The following CNGA1 variants were observed in gnomAD, a reference collection of about 807,000 sequenced individuals.
The protein encoded by CNGA1 is cyclic nucleotide gated channel subunit alpha 1.
In CNGA1, 53 loss-of-function variants were observed where a neutral mutation model predicts 69.7. That is an observed-to-expected ratio of 0.76 (90% CI 0.61 to 0.96). CNGA1 has a LOEUF of 0.96. Ranked by LOEUF, CNGA1 falls within the 40% of genes least tolerant of loss-of-function variation. CNGA1 has a pLI of 0.00. For synonymous variants in CNGA1, 249 were observed against 283.5 expected (o/e 0.88, Z 1.22); for missense variants, 739 against 811.2 (o/e 0.91, Z 1.08).
chr4:47,949,870 CA>C lies in CNGA1; in HGVS notation c.249del (p.Ile83MetfsTer6). 1 of 1,613,970 alleles carries C rather than the reference CA, an allele frequency of 6.2e-7. No individual in the cohort carries two copies. The highest frequency in any genetic ancestry group is 8.5e-7 in the Non-Finnish European group (1 of 1,179,946). ...CTGCTGTTGTTCACATTAAAAAGTG[CA>C]ATGGCACCAGGCAGGTACTGCTCCC... ...SQREQYLPGA[I>X]ALFNVNNSSN... On this transcript the variant is annotated frameshift_variant, in exon 6 of 11. Transcript: ENST00000514170. LOFTEE classifies it high-confidence loss of function.
chr4:47,956,181 G>A (rs1278630547), intron 3 of CNGA1, among the ~76,000 whole-genome samples: 1 of 152,230 alleles, frequency 6.6e-6, no homozygotes, highest in Non-Finnish European at 1.5e-5. Context: ...AGGTAGAAGT[G>A]AGGTGAAGAC....
intron 2 of CNGA1, among the ~76,000 whole-genome samples, chr4:47,996,498 C>G (rs978055433): frequency 1.3e-5 from 2 of 152,088 alleles, no homozygotes; most frequent in African/African-American, 4.8e-5. Flanking sequence ...TTCTTCTAAT[C>G]AAGGTATGGT....
chr4:48,015,039 G>A (rs145481337), intron 1 of CNGA1, among the ~76,000 whole-genome samples: 79 of 152,094 alleles, frequency 5.2e-4, no homozygotes, highest in African/African-American at 1.8e-3. Context: ...TTAGCCGGGC[G>A]TGGTGGGGGG....
intron 1 of CNGA1, among the ~76,000 whole-genome samples, chr4:48,013,332 A>G (rs113961220): frequency 2.0e-4 from 30 of 152,354 alleles, no homozygotes; most frequent in African/African-American, 5.5e-4. Flanking sequence ...GGTTGATAAC[A>G]CAACCCCATG....
intron 3 of CNGA1, among the ~76,000 whole-genome samples, chr4:47,975,720 T>A (rs561881347): frequency 2.2e-4 from 34 of 152,164 alleles, no homozygotes; most frequent in African/African-American, 7.7e-4. Flanking sequence ...AACTATAAAG[T>A]CATATATATT....
chr4:47,952,552 T>C, intron 4 of CNGA1, 31 bp downstream of exon 4: 1 of 1,609,918 alleles, frequency 6.2e-7, no homozygotes, highest in Middle Eastern at 1.7e-4. Flanking sequence ...TAGCTAATAA[T>C]AAAAATGCAT....
Position 47,952,649 on chromosome 4 carries a change from G to A in CNGA1, c.41C>T (p.Thr14Ile), listed in dbSNP as rs1458520292. ...ATCTGGTACAATCACATTGGGCATG[G>A]TTACAAAAGACTGCTGTGTATTGAT... ...NIINTQQSFV[T>I]MPNVIVPDIE... The change falls in exon 4 of 11, where the codon ACC (threonine) becomes ATC (isoleucine). Residue 14 changes from threonine to isoleucine, a missense_variant. Thr to Ile is a moderately conservative substitution (Grantham distance 89). Transcript: ENST00000514170. 5 of 1,608,538 alleles carry A rather than the reference G, an allele frequency of 3.1e-6. No individual in the cohort carries two copies. Among genetic ancestry groups the A allele is most frequent in the Non-Finnish European group, 4.3e-6 (5 of 1,176,138 alleles).
chr4:47,996,433 T>C (rs1230789899), intron 2 of CNGA1, among the ~76,000 whole-genome samples: 3 of 152,200 alleles, frequency 2.0e-5, no homozygotes, highest in Non-Finnish European at 4.4e-5. Flanking sequence ...GGGAAAATTA[T>C]TTAACTGCCC....
At chr4:47,985,069 T>G (rs577787186) in intron 2 of CNGA1, among the ~76,000 whole-genome samples, 59 of 152,298 alleles carry the variant, frequency 3.9e-4, no homozygotes, top group African/African-American at 1.3e-3. Flanking sequence ...AGCATGATAA[T>G]GAACTGCTGG....
At chr4:47,939,927 A>G (rs181590618) in intron 10 of CNGA1, among the ~76,000 whole-genome samples, 2 of 152,158 alleles carry the variant, frequency 1.3e-5, no homozygotes, top group East Asian at 3.9e-4. Context: ...TGTGCTGTCT[A>G]TTTTGCATAT....
At chr4:47,942,979 A>C (rs1451891633) in intron 8 of CNGA1, 1 of 470,498 alleles carries the variant, frequency 2.1e-6, no homozygotes, top group African/African-American at 2.0e-5. Flanking sequence ...ACCATTGCTA[A>C]TTTTAGGGAA....
intron 2 of CNGA1, among the ~76,000 whole-genome samples, chr4:47,987,113 A>T (rs571394356): frequency 1.6e-4 from 25 of 152,180 alleles, no homozygotes; most frequent in Admixed American, 6.5e-4. Flanking sequence ...GATAGAACAT[A>T]GCTGCATTGG....
Position 48,015,173 on chromosome 4 carries a change from G to A in CNGA1, c.-223+1310C>T, listed in dbSNP as rs561824382. Reference sequence around the variant, plus strand: ...AGCCTGGGCGACAGAGCGAGACTCCGTCTCAAAAAAAACCAAACCAAGCCA... The same window carrying A: ...AGCCTGGGCGACAGAGCGAGACTCCATCTCAAAAAAAACCAAACCAAGCCA... On this transcript the variant is annotated intron_variant, in intron 1 of 10. Transcript: ENST00000514170. Among the ~76,000 whole-genome samples, 35 of 152,190 alleles carry A rather than the reference G, an allele frequency of 2.3e-4. 1 individual carries two copies. The South Asian group carries it at 6.2e-3, about 27-fold the overall frequency.
At chr4:47,940,368 CCTT>C (rs1458280883) in intron 10 of CNGA1, among the ~76,000 whole-genome samples, 1 of 152,166 alleles carries the variant, frequency 6.6e-6, no homozygotes, top group African/African-American at 2.4e-5. Context: ...CATTTTTCCT[CCTT>C]CTTATAAAAT....
chr4:47,958,599 G>A (rs1167304619), intron 3 of CNGA1, among the ~76,000 whole-genome samples: 1 of 150,048 alleles, frequency 6.7e-6, no homozygotes, highest in Non-Finnish European at 1.5e-5. Flanking sequence ...ACCAACCTGG[G>A]CAACAAAGCA....
intron 1 of CNGA1, among the ~76,000 whole-genome samples, chr4:48,012,720 G>A (rs1715224550): frequency 1.3e-5 from 2 of 151,176 alleles, no homozygotes; most frequent in African/African-American, 4.9e-5. Flanking sequence ...ATGGGAAAAA[G>A]ACCAAAACAA....
intron 3 of CNGA1, among the ~76,000 whole-genome samples, chr4:47,968,712 G>A (rs560887300): frequency 6.6e-6 from 1 of 152,280 alleles, no homozygotes; most frequent in Admixed American, 6.5e-5. Context: ...CATCATGGGA[G>A]ACACCTCCTG....
chr4:48,005,308 G>A (rs1424976969), intron 2 of CNGA1, among the ~76,000 whole-genome samples: 1 of 151,726 alleles, frequency 6.6e-6, no homozygotes, highest in Non-Finnish European at 1.5e-5. Context: ...AGTAGAGATG[G>A]GGTTTCTCCA....
chr4:47,985,378 A>C (rs1741933925), intron 2 of CNGA1, among the ~76,000 whole-genome samples: 1 of 152,344 alleles, frequency 6.6e-6, no homozygotes, highest in Non-Finnish European at 1.5e-5. Flanking sequence ...CCTCATACAC[A>C]GATGATGTGA....
Sources: gnomAD v4.1 joint callset for allele counts (sites outside exome capture counted in the v4.1 genomes callset) on GRCh38, gnomAD v4.1.1 for gene constraint, MANE v1.5 for transcripts, NCBI Gene and HGNC (gene_info 2026-07-23, HGNC 2026-07-21) for gene names.